Variants in RAD54B observed in about 807,000 individuals in gnomAD.
RAD54B encodes the protein RAD54 homolog B, also known as DNA repair and recombination protein RAD54B.
RAD54B carries 78 observed loss-of-function variants against 95.8 expected under a neutral mutation model. That is an observed-to-expected ratio of 0.81 (90% confidence interval 0.68 to 0.98). The LOEUF (loss-of-function observed/expected upper bound fraction) is 0.98. RAD54B is among the 50% of genes least tolerant of loss of function. The pLI is 0.00. For missense variants in RAD54B, 957 were observed against 1,056.6 expected, an observed-to-expected ratio of 0.91 and a Z score of 1.31; for synonymous variants, 328 against 354.9, an observed-to-expected ratio of 0.92 and a Z score of 0.85.
At chr8:94,424,476 G>A (rs187553251) in intron 3 of RAD54B, among the ~76,000 whole-genome samples, 10 of 152,188 alleles carry the variant, frequency 6.6e-5, no homozygotes, top group Admixed American at 2.0e-4. Flanking sequence ...TTAAAATTAT[G>A]TAGGCCATAC....
chr8:94,419,747 C>CAAAAAAAAAAA (rs36042247), intron 3 of RAD54B, among the ~76,000 whole-genome samples: 1 of 70,320 alleles, frequency 1.4e-5, no homozygotes, highest in African/African-American at 5.6e-5. Flanking sequence ...TGGCCCCCAC[C>CAAAAAAAAAAA]AAAAAAAAAA....
intron 6 of RAD54B, among the ~76,000 whole-genome samples, chr8:94,402,018 A>G (rs1430929919): frequency 6.6e-6 from 1 of 152,210 alleles, no homozygotes; most frequent in African/African-American, 2.4e-5. Flanking sequence ...CTAGCACGGC[A>G]GGTAGAAGAC....
chr8:94,470,769 AG>A (rs1351017913), intron 1 of RAD54B, among the ~76,000 whole-genome samples: 14 of 122,580 alleles, frequency 1.1e-4, no homozygotes, highest in Non-Finnish European at 1.7e-4. Context: ...AAGAAAACAA[AG>A]AAAAAAAAAA....
chr8:94,388,584 A>C (rs1017867268), intron 10 of RAD54B, among the ~76,000 whole-genome samples: 2 of 152,284 alleles, frequency 1.3e-5, no homozygotes, highest in African/African-American at 4.8e-5. Flanking sequence ...TATACTTCAC[A>C]AATGTTTTCC....
chr8:94,437,044 G>T lies in RAD54B; in HGVS notation c.304+21224C>A, dbSNP rs1057461934. On this transcript the variant is annotated intron_variant, in intron 3 of 14. Transcript: ENST00000336148. ...CCAGCTTAAGCTGACGCAGGTTCAG[G>T]AAATCTGCTTAAGCCAAGCCTGACC... The T allele has an allele frequency of 1.1e-5, 14 of 1,309,776 alleles. No homozygotes were observed. In the African/African-American group the frequency reaches 2.0e-4, roughly 18 times the overall value. The allele number at this position is 1,309,776 out of a possible 1,614,324, so 81.1% of individuals were successfully genotyped here.
intron 2 of RAD54B, among the ~76,000 whole-genome samples, chr8:94,459,972 C>G (rs1338485071): frequency 6.7e-6 from 1 of 150,050 alleles, no homozygotes; most frequent in Non-Finnish European, 1.5e-5. Flanking sequence ...ACCTGGCTAA[C>G]ATGGTGAAAC....
chr8:94,443,310 G>C (rs1812443865), intron 3 of RAD54B, among the ~76,000 whole-genome samples: 1 of 152,040 alleles, frequency 6.6e-6, no homozygotes, highest in African/African-American at 2.4e-5. Flanking sequence ...ACACACACTG[G>C]GGCCTATAGG....
At chr8:94,386,598 G>A (rs1051248153) in intron 11 of RAD54B, among the ~76,000 whole-genome samples, 13 of 127,622 alleles carry the variant, frequency 1.0e-4, no homozygotes, top group Non-Finnish European at 2.0e-4. Context: ...GTGTGTGCAT[G>A]TGTGTGTGCA....
rs374242057 is a variant in RAD54B at position 94,411,323 on chromosome 8, T to TA, written c.305-9dup. 6,871 of 1,369,928 alleles carry TA rather than the reference T, an allele frequency of 5.0e-3. No homozygotes were observed. Among genetic ancestry groups the TA allele is most frequent in the South Asian group, 0.011 (753 of 68,878 alleles). 84.9% of individuals were successfully genotyped at this position (1,369,928 alleles called of 1,614,324 possible). A position where few individuals can be genotyped will look rare whatever the true frequency, so the allele number is the denominator to read the frequency against. On this transcript the variant is annotated splice_polypyrimidine_tract_variant and intron_variant, in intron 3 of 14. Coordinates refer to ENST00000336148, the MANE Select transcript of RAD54B (RefSeq NM_012415.3). ...CTTTAGGAGCCGAATGAACTACAAT[T>TA]AAAAAAAAAACACACATTATTAAAA... is the stretch of plus-strand genomic sequence containing the variant.
chr8:94,471,329 A>C (rs12549544), intron 1 of RAD54B, among the ~76,000 whole-genome samples: 37,014 of 151,850 alleles, frequency 0.24, 5,624 homozygotes, highest in East Asian at 0.43. Context: ...TTAATAAATC[A>C]AAGGAAAAAT....
intron 1 of RAD54B, among the ~76,000 whole-genome samples, chr8:94,470,633 C>T (rs929183709): frequency 9.9e-5 from 15 of 151,504 alleles, no homozygotes; most frequent in Non-Finnish European, 1.9e-4. Flanking sequence ...TGGTACACGC[C>T]TGTAATCCCA....
intron 14 of RAD54B, among the ~76,000 whole-genome samples, chr8:94,376,223 A>G (rs1810568359): frequency 6.6e-6 from 1 of 152,186 alleles, no homozygotes; most frequent in African/African-American, 2.4e-5. Flanking sequence ...ATGTAGTTCT[A>G]TTTCTGACTA....
intron 14 of RAD54B, 70 bp from the exon 15 acceptor site, chr8:94,372,457 T>C: frequency 6.4e-7 from 1 of 1,558,974 alleles, no homozygotes; most frequent in African/African-American, 1.4e-5. Context: ...TACTTTTTTG[T>C]TTTATGATAA....
chr8:94,469,228 G>C (rs1309043554), intron 1 of RAD54B, among the ~76,000 whole-genome samples: 1 of 152,010 alleles, frequency 6.6e-6, no homozygotes, highest in Non-Finnish European at 1.5e-5. Flanking sequence ...GTTTGGCTGT[G>C]ACCCCACCCA....
intron 3 of RAD54B, among the ~76,000 whole-genome samples, chr8:94,426,079 A>C (rs1811935253): frequency 6.6e-6 from 1 of 152,056 alleles, no homozygotes; most frequent in Admixed American, 6.5e-5. Context: ...CAGCCTCCTG[A>C]GTAGCTGGGA....
At chr8:94,408,987 G>GT (rs1554604969) in intron 4 of RAD54B, among the ~76,000 whole-genome samples, 5 of 149,890 alleles carry the variant, frequency 3.3e-5, no homozygotes, top group Non-Finnish European at 5.9e-5. Flanking sequence ...CTTAAACTTT[G>GT]TTTCACATAC....
At chr8:94,388,226 G>A (rs1200155420) in intron 10 of RAD54B, among the ~76,000 whole-genome samples, 2 of 152,050 alleles carry the variant, frequency 1.3e-5, no homozygotes, top group Non-Finnish European at 2.9e-5. Flanking sequence ...ATACAGCAAG[G>A]CCAACCCCTC....
chr8:94,423,732 A>G (rs887178073), intron 3 of RAD54B, among the ~76,000 whole-genome samples: 1 of 152,178 alleles, frequency 6.6e-6, no homozygotes, highest in African/African-American at 2.4e-5. Context: ...AAGACAGAAT[A>G]CTTCAATTAG....
chr8:94,387,192 A>C (rs528591464), intron 10 of RAD54B, 33 bp from the exon 11 acceptor site: 1 of 1,496,944 alleles, frequency 6.7e-7, no homozygotes, highest in South Asian at 1.4e-5. Context: ...ATGCTGGCTC[A>C]AGTTTGTTTT....
Sources: gnomAD v4.1 joint callset for allele counts (sites outside exome capture counted in the v4.1 genomes callset) on GRCh38, gnomAD v4.1.1 for gene constraint, MANE v1.5 for transcripts, NCBI Gene and HGNC (gene_info 2026-07-23, HGNC 2026-07-21) for gene names.